TCF7: variants seen among roughly 807,000 people sequenced by gnomAD.
TCF7 encodes T-cell-factor-7.
A neutral mutation model predicts 46.8 loss-of-function variants in TCF7; 19 were observed. The observed-to-expected ratio is 0.41, with a 90% confidence interval of 0.28 to 0.60. TCF7 has a LOEUF of 0.60. Ranked by LOEUF, TCF7 falls within the 20% of genes least tolerant of loss-of-function variation. The pLI is 0.35. For synonymous variants in TCF7, 245 were observed against 213.4 expected, an observed-to-expected ratio of 1.15 and a Z score of -1.29; for missense variants, 547 against 504.6, an observed-to-expected ratio of 1.08 and a Z score of -0.81.
chr5:134,126,481 G>C (rs1271428456), intron 3 of TCF7, among the ~76,000 whole-genome samples: 1 of 152,244 alleles, frequency 6.6e-6, no homozygotes, highest in Non-Finnish European at 1.5e-5. Context: ...GCCCACCCTA[G>C]GGCCTGGCAC....
chr5:134,118,939 G>C (rs1373522318), intron 3 of TCF7, among the ~76,000 whole-genome samples: 1 of 152,132 alleles, frequency 6.6e-6, no homozygotes. Context: ...GCACTACAAT[G>C]CCCGGCTAAG....
At chr5:134,142,676 G>A in intron 6 of TCF7, 45 bp from the exon 7 acceptor site, 1 of 1,604,172 alleles carries the variant, frequency 6.2e-7, no homozygotes, top group Non-Finnish European at 8.5e-7. Context: ...GCAATTAGGT[G>A]GGCACTCGGG....
chr5:134,128,377 C>T (rs931502729), intron 3 of TCF7, among the ~76,000 whole-genome samples: 3 of 152,040 alleles, frequency 2.0e-5, no homozygotes, highest in African/African-American at 4.8e-5. Flanking sequence ...TGTGAGGGCT[C>T]GGGCAGCAGC....
Position 134,114,963 on chromosome 5 carries a change from G to C in TCF7, c.57G>C (p.Ala19=). 1 of 1,169,146 alleles carries C rather than the reference G, an allele frequency of 8.6e-7. No homozygotes were observed. The highest frequency in any genetic ancestry group is 1.1e-6 in the Non-Finnish European group (1 of 926,332). 72.4% of individuals were successfully genotyped at this position (1,169,146 alleles called of 1,614,324 possible). Residue 19 remains alanine (A), a synonymous_variant, in exon 1 of 10, where the codon GCG becomes GCC. Transcript: ENST00000342854. The part of the protein sequence containing the change: ...GGAGGGDDLG[A]PDELLAFQDE... Reference sequence around the variant, plus strand: ...CGGGCGGCGGCGACGACCTCGGCGCGCCGGACGAGCTGCTGGCCTTCCAGG... The same window carrying C: ...CGGGCGGCGGCGACGACCTCGGCGCCCCGGACGAGCTGCTGGCCTTCCAGG...
rs1219072686 is a variant in TCF7, at chr5:134,114,801, ATCCGAGCTCGGAGGTTCGGAC to A, written c.-101_-81del. 2 of 962,718 alleles carry A rather than the reference ATCCGAGCTCGGAGGTTCGGAC, an allele frequency of 2.1e-6. No individual in the cohort carries two copies. The highest frequency in any genetic ancestry group is 2.5e-6 in the Non-Finnish European group (2 of 811,792). 59.6% of individuals were successfully genotyped at this position (962,718 alleles called of 1,614,324 possible). The stretch of plus-strand genomic sequence containing the variant: ...GTCAGCCCGCGCTCCGCCCGCCGCG[ATCCGAGCTCGGAGGTTCGGAC>A]TCCGGGCTCGCCGCCCCCCGGGCCG... On this transcript the variant is annotated 5_prime_UTR_variant, in exon 1 of 10. Coordinates refer to ENST00000342854, the MANE Select transcript of TCF7 (RefSeq NM_003202.5).
At chr5:134,140,803 C>T (rs763858191) in intron 5 of TCF7, 23 of 455,602 alleles carry the variant, frequency 5.0e-5, no homozygotes, top group Non-Finnish European at 9.3e-5. Flanking sequence ...CAGGCCCAGC[C>T]CTCCTCTCTA....
chr5:134,120,931 CA>C (rs1258339242), intron 3 of TCF7, among the ~76,000 whole-genome samples: 1 of 152,170 alleles, frequency 6.6e-6, no homozygotes, highest in Non-Finnish European at 1.5e-5. Context: ...GCGGCCTGGC[CA>C]GGGGGAGTCA....
intron 3 of TCF7, chr5:134,123,712 A>G (rs1267146628): frequency 2.2e-6 from 1 of 456,140 alleles, no homozygotes; most frequent in Admixed American, 2.4e-5. Flanking sequence ...CTGGTTCCAG[A>G]GCCTGGGAGA....
chr5:134,109,770 C>CAAAAAAAAAAAAAAAAAAAAAAAAAA (rs59510685), upstream of TCF7, among the ~76,000 whole-genome samples: 10 of 140,316 alleles, frequency 7.1e-5, no homozygotes, highest in African/African-American at 2.5e-4. Context: ...GGCTCCATCT[C>CAAAAAAAAAAAAAAAAAAAAAAAAAA]AAAAAAAAAA....
At chr5:134,136,941 A>G (rs760243597) in intron 3 of TCF7, among the ~76,000 whole-genome samples, 1 of 152,168 alleles carries the variant, frequency 6.6e-6, no homozygotes, top group Non-Finnish European at 1.5e-5. Context: ...CGGGCTTTTC[A>G]AAGTGGGAAG....
intron 9 of TCF7, 185 bp downstream of exon 9, chr5:134,143,825 A>G (rs1003426737): frequency 1.6e-6 from 1 of 643,152 alleles, no homozygotes. Context: ...ATATTATACT[A>G]AGTCCCAGGG....
intron 3 of TCF7, among the ~76,000 whole-genome samples, chr5:134,137,226 C>T (rs1484331207): frequency 6.6e-6 from 1 of 152,168 alleles, no homozygotes; most frequent in East Asian, 1.9e-4. Flanking sequence ...GAGTTTGAGA[C>T]CAGCCTGGTC....
chr5:134,128,054 G>A (rs1193469995), intron 3 of TCF7, among the ~76,000 whole-genome samples: 3 of 152,204 alleles, frequency 2.0e-5, no homozygotes, highest in African/African-American at 7.2e-5. Context: ...GGTACTGGAG[G>A]AGGGATTTGA....
At position 134,146,711 on chromosome 5, in the gene TCF7, C is replaced by G; in HGVS notation, c.*408C>G. On this transcript the variant is annotated 3_prime_UTR_variant, in exon 10 of 10. Transcript: ENST00000342854. Reference sequence around the variant, plus strand: ...TCAAACTGCTCCAAGTGGTGGGAATCAGATCTGTCTTGATGTGTCATCTAA... The same window carrying G: ...TCAAACTGCTCCAAGTGGTGGGAATGAGATCTGTCTTGATGTGTCATCTAA... 1.6e-6 allele frequency: 1 copy of G among 612,462 alleles called. No individual in the cohort carries two copies. Among genetic ancestry groups the G allele is most frequent in the Non-Finnish European group, 2.9e-6 (1 of 347,082 alleles). 37.9% of individuals were successfully genotyped at this position (612,462 alleles called of 1,614,324 possible). A position where few individuals can be genotyped will look rare whatever the true frequency, so the allele number is the denominator to read the frequency against.
rs1760551371 is a variant in TCF7 at position 134,145,419 on chromosome 5, CCTGGGCTGT to C, written c.1076-801_1076-793del. On this transcript the variant is annotated intron_variant, in intron 9 of 9. Coordinates refer to ENST00000342854, the MANE Select transcript of TCF7 (RefSeq NM_003202.5). ...CTGGGGGAGAGGACCCAGGGGGTAC[CCTGGGCTGT>C]CTGAGGGAAAGGGCTCATGTGTTTC... 3 of 559,316 alleles carry C rather than the reference CCTGGGCTGT, an allele frequency of 5.4e-6. No individual in the cohort carries two copies. In the Admixed American group the frequency reaches 6.1e-5, roughly 11 times the overall value. The allele number at this position is 559,316 out of a possible 1,614,324, so 34.6% of individuals were successfully genotyped here.
chr5:134,133,144 G>A (rs951250113), intron 3 of TCF7, among the ~76,000 whole-genome samples: 3 of 152,190 alleles, frequency 2.0e-5, no homozygotes, highest in Admixed American at 6.5e-5. Flanking sequence ...GTCTGGGATG[G>A]TGGGGGAGAC....
chr5:134,145,088 C>G (rs1760489849), intron 9 of TCF7: 3 of 642,542 alleles, frequency 4.7e-6, no homozygotes, highest in Non-Finnish European at 8.5e-6. Context: ...GAGAGAAAGA[C>G]ACAGAATGTT....
intron 3 of TCF7, among the ~76,000 whole-genome samples, chr5:134,116,414 C>T (rs1007905608): frequency 2.0e-5 from 3 of 152,244 alleles, no homozygotes; most frequent in Admixed American, 6.5e-5. Context: ...CTAACTAGCC[C>T]AGGAAACCCT....
At chr5:134,141,915 G>A (rs1399738787) in intron 5 of TCF7, 6 of 326,386 alleles carry the variant, frequency 1.8e-5, no homozygotes, top group African/African-American at 4.2e-5. Flanking sequence ...GGGGAAGGAC[G>A]TGAGAAGGGG....
Sources: allele counts gnomAD v4.1 joint callset (sites outside exome capture counted in the v4.1 genomes callset), GRCh38; gene constraint gnomAD v4.1.1; transcripts MANE v1.5; gene names NCBI Gene and HGNC (gene_info 2026-07-23, HGNC 2026-07-21).